PCLO: variants seen among roughly 807,000 people sequenced by gnomAD.
PCLO encodes the protein piccolo presynaptic cytomatrix protein.
A neutral mutation model predicts 427.5 loss-of-function variants in PCLO; 82 were observed. The ratio of observed to expected loss-of-function variants is 0.19; its 90% CI spans 0.16 to 0.23. The LOEUF (loss-of-function observed/expected upper bound fraction) is 0.23. Among genes scored for constraint, PCLO ranks in the 10% least tolerant of loss-of-function variants. PCLO has a pLI of 1.00. For synonymous variants in PCLO, 2,357 were observed against 2,155.4 expected (o/e 1.09, Z -2.59); for missense variants, 6,239 against 6,115.9 (o/e 1.02, Z -0.67).
chr7:82,808,679 CAA>C (rs955719168), intron 20 of PCLO, among the ~76,000 whole-genome samples: 4 of 151,828 alleles, frequency 2.6e-5, no homozygotes, highest in African/African-American at 9.7e-5. Context: ...AACATCTCTG[CAA>C]AACATGATTA....
chr7:83,001,588 A>C (rs1787825814), intron 3 of PCLO, among the ~76,000 whole-genome samples: 1 of 151,882 alleles, frequency 6.6e-6, no homozygotes, highest in African/African-American at 2.4e-5. Context: ...CTGACTTTCA[A>C]ACTTAGCGGC....
intron 21 of PCLO, among the ~76,000 whole-genome samples, chr7:82,805,086 C>CTTT (rs111966448): frequency 1.5e-4 from 23 of 149,388 alleles, no homozygotes; most frequent in South Asian, 4.2e-4. Context: ...TGCAAAATGA[C>CTTT]TTTTTTTTTA....
chr7:82,813,273 CCAAA>C (rs946170481), intron 20 of PCLO, among the ~76,000 whole-genome samples: 8 of 151,568 alleles, frequency 5.3e-5, no homozygotes, highest in African/African-American at 1.7e-4. Flanking sequence ...TAATCTTTCT[CCAAA>C]CAGATTATAT....
In PCLO at chr7:82,959,306, C is replaced by T. The variant is rs190129824; in HGVS notation, c.4018-2371G>A. Among the ~76,000 whole-genome samples the T allele has an allele frequency of 4.7e-3, 716 of 152,208 alleles. 4 individuals carry two copies. Among genetic ancestry groups the T allele is most frequent in the African/African-American group, 0.016 (684 of 41,536 alleles). ...ATCTCGAACTCCTGACCTCGTGATC[C>T]GCCCACCTTGGCCTCCCAAAATCCT... On this transcript the variant is annotated intron_variant, in intron 4 of 24. Coordinates refer to ENST00000333891, the MANE Select transcript of PCLO (RefSeq NM_033026.6).
At chr7:83,008,708 T>G (rs1788007680) in intron 3 of PCLO, among the ~76,000 whole-genome samples, 1 of 151,704 alleles carries the variant, frequency 6.6e-6, no homozygotes, top group Non-Finnish European at 1.5e-5. Context: ...TATAATAGGT[T>G]GACTCAGATA....
At chr7:82,927,422 T>C (rs1024098787) in intron 6 of PCLO, among the ~76,000 whole-genome samples, 4 of 152,204 alleles carry the variant, frequency 2.6e-5, no homozygotes, top group African/African-American at 9.6e-5. Context: ...ATTCGTGTTT[T>C]TGAATTTTCA....
intron 22 of PCLO, among the ~76,000 whole-genome samples, chr7:82,769,309 C>G (rs1437549237): frequency 6.6e-6 from 1 of 152,084 alleles, no homozygotes; most frequent in African/African-American, 2.4e-5. Flanking sequence ...TTATTGTCTA[C>G]ATAGGCACAT....
Position 82,953,712 on chromosome 7 carries a change from G to A in PCLO, c.7241C>T (p.Pro2414Leu). 1.0e-6 allele frequency: 1 copy of A among 979,470 alleles called. No homozygotes were observed. Among genetic ancestry groups the A allele is most frequent in the South Asian group, 1.5e-5 (1 of 68,752 alleles). The allele number at this position is 979,470 out of a possible 1,614,324, so 60.7% of individuals were successfully genotyped here. Residue 2414 changes from proline to leucine, a missense_variant, in exon 5 of 25, where the codon CCT becomes CTT. By Grantham distance (98) the Pro-to-Leu change is moderately conservative. This residue lies in a region of PCLO where 4,677 missense variants were observed against 4,468.4 expected (regional missense o/e 1.05). Transcript: ENST00000333891. ...QPPPPPPPPP[P>L]PPPPPPPPPP... ...AGGGGGTGGTGGTGGAGGAGGAGGA[G>A]GAGGGGGAGGGGGAGGAGGGGGAGG... is the stretch of plus-strand genomic sequence containing the variant.
chr7:82,871,156 T>C (rs1164068361), intron 10 of PCLO, among the ~76,000 whole-genome samples: 1 of 151,960 alleles, frequency 6.6e-6, no homozygotes. Flanking sequence ...ATACCTGCAC[T>C]CCCATGTCTA....
chr7:83,077,980 G>C (rs530513856), intron 3 of PCLO, among the ~76,000 whole-genome samples: 1 of 152,186 alleles, frequency 6.6e-6, no homozygotes, highest in South Asian at 2.1e-4. Context: ...GGCGGTTAGA[G>C]GTCAATTCAA....
At chr7:82,974,098 T>C (rs965321800) in intron 3 of PCLO, among the ~76,000 whole-genome samples, 2 of 152,114 alleles carry the variant, frequency 1.3e-5, no homozygotes, top group Non-Finnish European at 2.9e-5. Flanking sequence ...TTTTACAAGA[T>C]ATATATGGCT....
chr7:83,070,036 G>T (rs961747589), intron 3 of PCLO, among the ~76,000 whole-genome samples: 68 of 152,004 alleles, frequency 4.5e-4, no homozygotes, highest in Admixed American at 7.2e-4. Flanking sequence ...AAGATATGAT[G>T]GGATATCACT....
chr7:83,089,803 T>C (rs2116433389), intron 3 of PCLO, among the ~76,000 whole-genome samples: 1 of 152,280 alleles, frequency 6.6e-6, no homozygotes, highest in African/African-American at 2.4e-5. Context: ...ACATCATGTC[T>C]TGTCATCTGC....
At chr7:82,978,235 G>C (rs1353296041) in intron 3 of PCLO, among the ~76,000 whole-genome samples, 2 of 150,248 alleles carry the variant, frequency 1.3e-5, no homozygotes, top group Non-Finnish European at 3.0e-5. Context: ...TCTTCACCAG[G>C]AAAGTTTTAA....
intron 3 of PCLO, among the ~76,000 whole-genome samples, chr7:83,047,136 T>C (rs115633451): frequency 4.1e-4 from 63 of 152,158 alleles, no homozygotes; most frequent in African/African-American, 1.5e-3. Context: ...ATGTTTCTTA[T>C]TACATAAATC....
chr7:83,088,470 A>T (rs377766562), intron 3 of PCLO, among the ~76,000 whole-genome samples: 3 of 152,332 alleles, frequency 2.0e-5, no homozygotes, highest in South Asian at 4.1e-4. Flanking sequence ...TTCACTTTTA[A>T]CCCTGTATCT....
intron 3 of PCLO, among the ~76,000 whole-genome samples, chr7:83,030,884 C>A (rs1050345422): frequency 6.6e-6 from 1 of 152,134 alleles, no homozygotes; most frequent in African/African-American, 2.4e-5. Context: ...CAAACAATCA[C>A]TTTTTTATCG....
At chr7:82,782,501 A>C (rs2129468154) in intron 22 of PCLO, among the ~76,000 whole-genome samples, 1 of 152,314 alleles carries the variant, frequency 6.6e-6, no homozygotes, top group East Asian at 1.9e-4. Flanking sequence ...TTTACAGTGC[A>C]TCCAATATTG....
intron 16 of PCLO, among the ~76,000 whole-genome samples, chr7:82,830,129 G>T (rs1792056892): frequency 6.6e-6 from 1 of 151,822 alleles, no homozygotes. Flanking sequence ...ATAGGGAAGT[G>T]ATTTCAGAGG....
Sources: allele counts gnomAD v4.1 joint callset (sites outside exome capture counted in the v4.1 genomes callset), GRCh38; gene constraint gnomAD v4.1.1; regional missense constraint gnomAD v4.1.1; transcripts MANE v1.5; gene names NCBI Gene and HGNC (gene_info 2026-07-23, HGNC 2026-07-21).